The following TMEM169 variants were observed in gnomAD, a reference collection of about 807,000 sequenced individuals.
The protein encoded by TMEM169 is transmembrane protein 169.
Under a neutral mutation model 27.3 loss-of-function variants are expected in TMEM169, and 18 were observed. The observed-to-expected ratio is 0.66, with a 90% CI of 0.46 to 0.98. TMEM169 has a LOEUF of 0.98. TMEM169 is among the 50% of genes least tolerant of loss of function. The pLI is 0.00. For missense variants in TMEM169, 320 were observed against 368.6 expected (o/e 0.87, Z 1.08); for synonymous variants, 136 against 142.1 (o/e 0.96, Z 0.30).
chr2:216,096,558 T>C (rs1174653117), intron 2 of TMEM169, among the ~76,000 whole-genome samples: 6 of 152,076 alleles, frequency 3.9e-5, no homozygotes, highest in Admixed American at 1.3e-4. Context: ...AGAGACTGGG[T>C]TTCACCATGT....
In TMEM169 at chr2:216,095,739, G is replaced by A. The variant is rs1324930600; in HGVS notation, c.-126-99G>A. 20 of 493,886 alleles carry A rather than the reference G, an allele frequency of 4.0e-5. No individual in the cohort carries two copies. In the East Asian group the frequency reaches 5.3e-4, roughly 13 times the overall value. The allele number at this position is 493,886 out of a possible 1,614,324, so 30.6% of individuals were successfully genotyped here. ...AATAAAGTATTGCAAGAAGTAAAGG[G>A]AGAGGAAGGCTTCTGCTAAGTTGAG... On this transcript the variant is annotated intron_variant, in intron 1 of 2. Transcript: ENST00000437356.
At chr2:216,096,490 G>C (rs1336898658) in intron 2 of TMEM169, among the ~76,000 whole-genome samples, 3 of 151,990 alleles carry the variant, frequency 2.0e-5, no homozygotes, top group Non-Finnish European at 4.4e-5. Flanking sequence ...TCAGCCTCCT[G>C]AGTAGCTGGG....
At chr2:216,082,236 CT>C (rs1156639846) in intron 1 of TMEM169, 8 of 163,776 alleles carry the variant, frequency 4.9e-5, no homozygotes, top group African/African-American at 1.9e-4. Context: ...GCTCCAGGTG[CT>C]GTGTGCCGCT....
chr2:216,085,820 G>A (rs1695981420), intron 1 of TMEM169, among the ~76,000 whole-genome samples: 1 of 151,156 alleles, frequency 6.6e-6, no homozygotes. Context: ...GTGGTGAGCT[G>A]AGATCACGCC....
Position 216,100,168 on chromosome 2 carries a change from C to G in TMEM169, c.520C>G (p.Leu174Val). The change falls in exon 3 of 3, where the codon CTT becomes GTT. Residue 174 changes from leucine to valine, a missense_variant. Leu to Val is a conservative substitution (Grantham distance 32). Transcript: ENST00000437356. The part of the protein sequence containing the change: ...TLICLPVVFI[L>V]SFVVSFYYGT... ...GATCTGCCTGCCTGTGGTTTTCATC[C>G]TTTCTTTTGTTGTCTCTTTCTACTA... 12 of 1,614,050 alleles carry G rather than the reference C, an allele frequency of 7.4e-6. No homozygotes were observed. The highest frequency in any genetic ancestry group is 1.0e-5 in the Non-Finnish European group (12 of 1,180,028).
At chr2:216,098,652 C>T (rs76236682) in intron 2 of TMEM169, among the ~76,000 whole-genome samples, 106 of 152,120 alleles carry the variant, frequency 7.0e-4, no homozygotes, top group Non-Finnish European at 9.3e-4. Flanking sequence ...GCTGTATTTT[C>T]CCATCCCCAC....
Position 216,088,303 on chromosome 2 carries a change from A to C in TMEM169, c.-127+6324A>C, listed in dbSNP as rs180857744. 2.6e-5 allele frequency among the ~76,000 whole-genome samples: 4 copies of C among 152,214 alleles called. No individual in the cohort carries two copies. In the East Asian group the frequency reaches 7.7e-4, roughly 29 times the overall value. On this transcript the variant is annotated intron_variant, in intron 1 of 2. Transcript: ENST00000437356. ...TGAAACCCCGTCTCTACTAAAAAAG[A>C]AATACAAAAAATTAGCCGGGCGTGG...
intron 1 of TMEM169, among the ~76,000 whole-genome samples, chr2:216,085,115 G>C (rs931485080): frequency 6.6e-6 from 1 of 152,126 alleles, no homozygotes; most frequent in Non-Finnish European, 1.5e-5. Flanking sequence ...TCAGCCTTCC[G>C]AGAAGCTGAG....
At chr2:216,089,377 C>G (rs1345336657) in intron 1 of TMEM169, among the ~76,000 whole-genome samples, 1 of 152,108 alleles carries the variant, frequency 6.6e-6, no homozygotes, top group African/African-American at 2.4e-5. Context: ...ACAACAGAAC[C>G]AAAAAACCAA....
intron 1 of TMEM169, 104 bp from the exon 2 acceptor site, chr2:216,095,729 GAAGTA>G (rs1442569119): frequency 2.1e-6 from 1 of 467,008 alleles, no homozygotes; most frequent in Non-Finnish European, 3.8e-6. Flanking sequence ...AGTATTGCAA[GAAGTA>G]AAGGGAGAGG....
At chr2:216,098,047 G>A (rs916089388) in intron 2 of TMEM169, among the ~76,000 whole-genome samples, 4 of 151,984 alleles carry the variant, frequency 2.6e-5, no homozygotes, top group African/African-American at 9.7e-5. Flanking sequence ...GGAGATAAGA[G>A]GGAGGATGGT....
Position 216,095,844 on chromosome 2 carries a change from T to A in TMEM169, c.-120T>A. 1 of 1,193,062 alleles carries A rather than the reference T, an allele frequency of 8.4e-7. No homozygotes were observed. Among genetic ancestry groups the A allele is most frequent in the Non-Finnish European group, 1.2e-6 (1 of 864,842 alleles). The allele number at this position is 1,193,062 out of a possible 1,614,324, so 73.9% of individuals were successfully genotyped here. On this transcript the variant is annotated 5_prime_UTR_variant, in exon 2 of 3. The change abolishes an upstream ATG in the 5' untranslated region. Coordinates refer to ENST00000437356, the MANE Select transcript of TMEM169 (RefSeq NM_001142311.2). Reference sequence around the variant, plus strand: ...TTGCTTTCCTATCTTTCAGGTGGAATGCATCCTTGGGACATCTTTGCATAG... The same window carrying A: ...TTGCTTTCCTATCTTTCAGGTGGAAAGCATCCTTGGGACATCTTTGCATAG...
In TMEM169 at chr2:216,084,260, G is replaced by T. The variant is rs1254914844; in HGVS notation, c.-127+2281G>T. ...ACTGACAGGGGCTTGTGGGATTCTC[G>T]ACATTTAGACTCCCAGAATCTCAGT... On this transcript the variant is annotated intron_variant, in intron 1 of 2. Coordinates refer to ENST00000437356, the MANE Select transcript of TMEM169 (RefSeq NM_001142311.2). Among the ~76,000 whole-genome samples the T allele has an allele frequency of 2.7e-5, 4 of 150,402 alleles. No individual in the cohort carries two copies. The East Asian group carries it at 7.9e-4, about 30-fold the overall frequency.
At chr2:216,085,864 T>C (rs1468933697) in intron 1 of TMEM169, among the ~76,000 whole-genome samples, 2 of 140,208 alleles carry the variant, frequency 1.4e-5, no homozygotes, top group African/African-American at 2.6e-5. Context: ...AGAGTGAAAC[T>C]CCATCTCAAA....
At chr2:216,096,824 C>T (rs1696274869) in intron 2 of TMEM169, among the ~76,000 whole-genome samples, 1 of 152,186 alleles carries the variant, frequency 6.6e-6, no homozygotes, top group Non-Finnish European at 1.5e-5. Flanking sequence ...ACTATGCTAA[C>T]TACTTAATGT....
At chr2:216,093,664 A>G (rs1306590136) in intron 1 of TMEM169, among the ~76,000 whole-genome samples, 3 of 152,170 alleles carry the variant, frequency 2.0e-5, no homozygotes, top group Admixed American at 1.3e-4. Flanking sequence ...TCCAATGGAA[A>G]GACAAAGAAA....
chr2:216,087,803 T>C (rs1247176838), intron 1 of TMEM169, among the ~76,000 whole-genome samples: 1 of 152,202 alleles, frequency 6.6e-6, no homozygotes, highest in Admixed American at 6.5e-5. Flanking sequence ...CCAATAAGTT[T>C]CTGTTGTTAC....
At chr2:216,089,849 A>G (rs10182201) in intron 1 of TMEM169, among the ~76,000 whole-genome samples, 52,102 of 152,152 alleles carry the variant, frequency 0.34, 9,565 homozygotes, top group East Asian at 0.66. Flanking sequence ...TATTTAACGC[A>G]TTGAACCTAA....
chr2:216,090,757 C>CT (rs1469293329), intron 1 of TMEM169, among the ~76,000 whole-genome samples: 11 of 152,184 alleles, frequency 7.2e-5, no homozygotes, highest in African/African-American at 2.4e-4. Context: ...GAGATAATAA[C>CT]TTTTTTATTG....
Sources: allele counts gnomAD v4.1 joint callset (sites outside exome capture counted in the v4.1 genomes callset), GRCh38; gene constraint gnomAD v4.1.1; transcripts MANE v1.5; gene names NCBI Gene and HGNC (gene_info 2026-07-23, HGNC 2026-07-21).